Variants in PHACTR1 observed in about 807,000 individuals in gnomAD.
The protein encoded by PHACTR1 is RPEL repeat containing 1.
A neutral mutation model predicts 69.2 loss-of-function variants in PHACTR1; 16 were observed. The ratio of observed to expected loss-of-function variants is 0.23; its 90% CI spans 0.16 to 0.35. The LOEUF (loss-of-function observed/expected upper bound fraction) is 0.35. Ranked by LOEUF, PHACTR1 falls within the 10% of genes least tolerant of loss-of-function variation. The pLI, the probability that PHACTR1 is intolerant of heterozygous loss-of-function variation, is 1.00. For synonymous variants in PHACTR1, 312 were observed against 284.5 expected (o/e 1.10, Z -0.97); for missense variants, 510 against 734.7 (o/e 0.69, Z 3.54).
chr6:13,272,622 G>C, intron 10 of PHACTR1: 1 of 1,289,504 alleles, frequency 7.8e-7, no homozygotes, highest in Non-Finnish European at 1.0e-6. Flanking sequence ...GGCTGGGGAG[G>C]GGCCGCTGCA....
At chr6:13,272,960 T>A (rs1277201105) in intron 11 of PHACTR1, 45 bp downstream of exon 11, 1 of 1,609,132 alleles carries the variant, frequency 6.2e-7, no homozygotes, top group African/African-American at 1.3e-5. Flanking sequence ...TTGTGGCGGC[T>A]TTTGTTATTA....
chr6:13,021,698 T>C (rs1287451011), intron 4 of PHACTR1, among the ~76,000 whole-genome samples: 3 of 152,204 alleles, frequency 2.0e-5, no homozygotes, highest in Admixed American at 6.5e-5. Context: ...TTTGTTATTA[T>C]CTGTTATGGA....
intron 5 of PHACTR1, among the ~76,000 whole-genome samples, chr6:13,058,618 A>G (rs921003534): frequency 2.0e-5 from 3 of 152,202 alleles, no homozygotes; most frequent in Non-Finnish European, 4.4e-5. Flanking sequence ...ACCTGTGATA[A>G]GGGCAATGAA....
intron 4 of PHACTR1, among the ~76,000 whole-genome samples, chr6:12,802,055 C>T (rs1439942251): frequency 6.7e-6 from 1 of 149,754 alleles, no homozygotes; most frequent in Non-Finnish European, 1.5e-5. Context: ...TTTATATGCC[C>T]TTTAAGTCAT....
chr6:13,174,225 G>A (rs143693576), intron 6 of PHACTR1, among the ~76,000 whole-genome samples: 49 of 152,318 alleles, frequency 3.2e-4, no homozygotes, highest in African/African-American at 1.2e-3. Context: ...AGAACATGCT[G>A]AACAGCAGCT....
chr6:13,146,048 A>T (rs944392413), intron 5 of PHACTR1, among the ~76,000 whole-genome samples: 2 of 152,214 alleles, frequency 1.3e-5, no homozygotes, highest in African/African-American at 4.8e-5. Flanking sequence ...GGCAGTGATA[A>T]TGTCATCCTT....
At chr6:13,035,154 A>C (rs1583061965) in intron 4 of PHACTR1, among the ~76,000 whole-genome samples, 2 of 152,236 alleles carry the variant, frequency 1.3e-5, no homozygotes, top group South Asian at 4.1e-4. Context: ...AAATTATTTT[A>C]TATTCCCTAG....
At chr6:12,762,201 A>T (rs1445112910) in intron 4 of PHACTR1, among the ~76,000 whole-genome samples, 1 of 152,144 alleles carries the variant, frequency 6.6e-6, no homozygotes, top group Non-Finnish European at 1.5e-5. Context: ...GTTTTTACGT[A>T]TTTATTTATG....
At chr6:13,075,388 AT>A (rs1204232055) in intron 5 of PHACTR1, among the ~76,000 whole-genome samples, 12 of 152,114 alleles carry the variant, frequency 7.9e-5, no homozygotes, top group Non-Finnish European at 1.5e-4. Flanking sequence ...TCCCTCAATG[AT>A]TTTGATTTGC....
chr6:13,172,481 G>A (rs1158485877), intron 6 of PHACTR1, among the ~76,000 whole-genome samples: 1 of 152,172 alleles, frequency 6.6e-6, no homozygotes. Flanking sequence ...CTGAAGGCAG[G>A]GGAAGCAGCC....
chr6:12,837,979 G>A (rs1778320476), intron 4 of PHACTR1, among the ~76,000 whole-genome samples: 1 of 152,190 alleles, frequency 6.6e-6, no homozygotes, highest in Admixed American at 6.5e-5. Context: ...TGGGGAAGGA[G>A]CCATTTCCAA....
chr6:13,064,581 T>G, intron 5 of PHACTR1, among the ~76,000 whole-genome samples: 1 of 5,734 alleles, frequency 1.7e-4, no homozygotes, highest in African/African-American at 8.7e-4. Context: ...TATATATATA[T>G]ATATATATAT....
intron 4 of PHACTR1, among the ~76,000 whole-genome samples, chr6:12,972,354 A>G (rs1287285606): frequency 6.6e-6 from 1 of 152,340 alleles, no homozygotes; most frequent in Non-Finnish European, 1.5e-5. Context: ...ATTGCCCAGC[A>G]TTAATTCCTA....
rs751590565 is a variant in PHACTR1 at position 13,230,013 on chromosome 6, T to C, written c.1235-24T>C. On this transcript the variant is annotated intron_variant, in intron 9 of 14. Coordinates refer to ENST00000332995, the MANE Select transcript of PHACTR1 (RefSeq NM_030948.6). ...GCCCAGGCAGATATGTAAGCCTTAA[T>C]TGACTCATTTCTGTCTCCTACAGGC... 3.2e-6 allele frequency: 5 copies of C among 1,586,302 alleles called. No homozygotes were observed. The Admixed American group carries it at 8.8e-5, about 28-fold the overall frequency.
At chr6:12,849,341 C>T (rs957969663) in intron 4 of PHACTR1, among the ~76,000 whole-genome samples, 3 of 152,164 alleles carry the variant, frequency 2.0e-5, no homozygotes. Context: ...ACCTTCGTTT[C>T]CTTGTATGAA....
chr6:12,978,455 T>C (rs994264557), intron 4 of PHACTR1, among the ~76,000 whole-genome samples: 1 of 152,204 alleles, frequency 6.6e-6, no homozygotes, highest in East Asian at 1.9e-4. Context: ...CCTACCTCCA[T>C]GCCTGCTGCC....
At chr6:13,122,962 C>G (rs1818956317) in intron 5 of PHACTR1, among the ~76,000 whole-genome samples, 1 of 147,770 alleles carries the variant, frequency 6.8e-6, no homozygotes, top group South Asian at 2.1e-4. Flanking sequence ...TGTTTAATTA[C>G]CTGGCTTCTT....
chr6:13,230,932 C>T (rs1770794823), intron 10 of PHACTR1, among the ~76,000 whole-genome samples: 1 of 151,682 alleles, frequency 6.6e-6, no homozygotes, highest in Non-Finnish European at 1.5e-5. Flanking sequence ...AAGAGGATGG[C>T]TTGAGCACAG....
At chr6:13,140,145 T>C (rs1822204712) in intron 5 of PHACTR1, among the ~76,000 whole-genome samples, 1 of 151,956 alleles carries the variant, frequency 6.6e-6, no homozygotes, top group Admixed American at 6.6e-5. Flanking sequence ...TAACAAATAT[T>C]GATGAGGATG....
Sources: gnomAD v4.1 joint callset for allele counts (sites outside exome capture counted in the v4.1 genomes callset) on GRCh38, gnomAD v4.1.1 for gene constraint, MANE v1.5 for transcripts, NCBI Gene and HGNC (gene_info 2026-07-23, HGNC 2026-07-21) for gene names.